LOC400499: variants seen among roughly 807,000 people sequenced by gnomAD.
At chr16:11,477,773 G>A in the LOC400499 span, 1 of 398,380 alleles carries the variant, frequency 2.5e-6, no homozygotes, top group Non-Finnish European at 4.4e-6. Flanking sequence ...CCTCTGTAGG[G>A]ATGGGATCCC....
At chr16:11,387,361 G>T in the LOC400499 span, 1 of 1,183,990 alleles carries the variant, frequency 8.4e-7, no homozygotes, top group Non-Finnish European at 1.1e-6. Flanking sequence ...GCTGCAGAGG[G>T]GAGCTTCTAG....
chr16:11,372,720 G>A, the LOC400499 span: 2 of 982,522 alleles, frequency 2.0e-6, no homozygotes, highest in Non-Finnish European at 2.4e-6. Context: ...CCTAGTGCTG[G>A]CATAGACAAA....
At chr16:11,372,658 T>G in the LOC400499 span, 1 of 756,576 alleles carries the variant, frequency 1.3e-6, no homozygotes, top group East Asian at 1.3e-4. Flanking sequence ...ATCTTGTCAT[T>G]GTCAGGGAGC....
the LOC400499 span, chr16:11,393,667 G>C: frequency 3.2e-6 from 3 of 936,386 alleles, no homozygotes; most frequent in Non-Finnish European, 4.2e-6. Flanking sequence ...GGCTGCTGTT[G>C]GACCTGTAGG....
At chr16:11,523,797 C>A in the LOC400499 span, among the ~76,000 whole-genome samples, 1 of 152,058 alleles carries the variant, frequency 6.6e-6, no homozygotes, top group East Asian at 1.9e-4. Context: ...ATTCCATCAA[C>A]AAATACAGGT....
At chr16:11,510,742 CT>C in the LOC400499 span, among the ~76,000 whole-genome samples, 3 of 151,556 alleles carry the variant, frequency 2.0e-5, no homozygotes, top group Non-Finnish European at 4.4e-5. Context: ...TGAAAACACA[CT>C]CCTGATGACC....
At chr16:11,382,135 G>A in the LOC400499 span, among the ~76,000 whole-genome samples, 4,312 of 151,648 alleles carry the variant, frequency 0.028, 84 homozygotes, top group Middle Eastern at 0.068. Flanking sequence ...CAGGGGTTTC[G>A]CCATGTTGGC....
the LOC400499 span, among the ~76,000 whole-genome samples, chr16:11,505,019 A>G: frequency 6.6e-5 from 10 of 152,324 alleles, no homozygotes; most frequent in East Asian, 7.7e-4. Flanking sequence ...AGAGAAGGAA[A>G]GTGACACTCA....
the LOC400499 span, among the ~76,000 whole-genome samples, chr16:11,381,830 CCTTTTCTTTGT>C: frequency 1.3e-5 from 2 of 152,070 alleles, no homozygotes; most frequent in African/African-American, 4.8e-5. Flanking sequence ...GCTTTTAGGA[CCTTTTCTTTGT>C]TTTTTCTGCA....
At chr16:11,432,109 G>T in the LOC400499 span, among the ~76,000 whole-genome samples, 1 of 152,178 alleles carries the variant, frequency 6.6e-6, no homozygotes, top group African/African-American at 2.4e-5. Flanking sequence ...ACATGTAAAG[G>T]AAGCCTTCCT....
chr16:11,390,096 C>T, the LOC400499 span: 2 of 1,232,074 alleles, frequency 1.6e-6, no homozygotes, highest in South Asian at 4.1e-5. Flanking sequence ...CTCTCAAACC[C>T]CGAGTTACCT....
At chr16:11,462,097 G>A in the LOC400499 span, 4 of 1,473,180 alleles carry the variant, frequency 2.7e-6, no homozygotes, top group Admixed American at 4.5e-5. Context: ...AGAGGGGACA[G>A]AAGGGGTCTC....
the LOC400499 span, chr16:11,380,805 G>C: frequency 6.6e-6 from 1 of 152,130 alleles, no homozygotes; most frequent in Admixed American, 6.5e-5. Flanking sequence ...CAGATGTTTT[G>C]TTGATGGCTG....
At chr16:11,483,711 A>AG in the LOC400499 span, among the ~76,000 whole-genome samples, 5 of 149,210 alleles carry the variant, frequency 3.4e-5, no homozygotes, top group African/African-American at 1.2e-4. Context: ...ACAACTTTTA[A>AG]AAAAAAAAAA....
the LOC400499 span, chr16:11,460,937 C>A: frequency 6.6e-7 from 1 of 1,505,796 alleles, no homozygotes; most frequent in Non-Finnish European, 8.9e-7. Context: ...CTCCACCTGC[C>A]CCGCAACCAG....
At chr16:11,435,916 G>A in the LOC400499 span, 2 of 399,088 alleles carry the variant, frequency 5.0e-6, no homozygotes, top group Non-Finnish European at 8.8e-6. Context: ...AAGGGTCTAT[G>A]GGATCCTGGG....
At chr16:11,435,458 C>CA in the LOC400499 span, among the ~76,000 whole-genome samples, 1 of 152,030 alleles carries the variant, frequency 6.6e-6, no homozygotes, top group Non-Finnish European at 1.5e-5. Flanking sequence ...CATAACAACG[C>CA]AAAAAAGAAA....
chr16:11,441,928 G>A, the LOC400499 span, among the ~76,000 whole-genome samples: 1 of 152,196 alleles, frequency 6.6e-6, no homozygotes, highest in Admixed American at 6.5e-5. Context: ...AAACCACTAA[G>A]ATTTCAGAGA....
At chr16:11,400,983 T>A in the LOC400499 span, among the ~76,000 whole-genome samples, 1 of 152,122 alleles carries the variant, frequency 6.6e-6, no homozygotes, top group Non-Finnish European at 1.5e-5. Flanking sequence ...CAACTATAAA[T>A]GATCAATCAG....
Sources: allele counts gnomAD v4.1 joint callset (sites outside exome capture counted in the v4.1 genomes callset), GRCh38; gene constraint gnomAD v4.1.1; transcripts MANE v1.5.